The following SPEF2 variants were observed in gnomAD, a reference collection of about 807,000 sequenced individuals.
SPEF2 encodes sperm flagella and cilia-associated protein 2.
A neutral mutation model predicts 224.6 loss-of-function variants in SPEF2; 187 were observed. The observed-to-expected ratio is 0.83, with a 90% confidence interval of 0.74 to 0.94. The LOEUF is 0.94. Among genes scored for constraint, SPEF2 ranks in the 40% least tolerant of loss-of-function variants. The pLI is 0.00. For synonymous variants in SPEF2, 715 were observed against 707.3 expected, an observed-to-expected ratio of 1.01 and a Z score of -0.17; for missense variants, 2,170 against 2,135.6, an observed-to-expected ratio of 1.02 and a Z score of -0.32.
intron 34 of SPEF2, among the ~76,000 whole-genome samples, chr5:35,803,665 C>A (rs1179161283): frequency 2.0e-5 from 3 of 152,302 alleles, no homozygotes; most frequent in East Asian, 3.9e-4. Context: ...CATTTCTGTG[C>A]CATTTCCACT....
At chr5:35,647,617 A>G (rs1222379702) in intron 5 of SPEF2, among the ~76,000 whole-genome samples, 3 of 152,132 alleles carry the variant, frequency 2.0e-5, no homozygotes, top group Admixed American at 6.6e-5. Context: ...ACTGGGATCA[A>G]ATTTCACATG....
At chr5:35,640,373 A>G (rs1337568008) in intron 2 of SPEF2, among the ~76,000 whole-genome samples, 1 of 152,182 alleles carries the variant, frequency 6.6e-6, no homozygotes, top group Non-Finnish European at 1.5e-5. Context: ...GCATGAAAGG[A>G]CGACTGTGAT....
rs1413846297 is a variant in SPEF2 at position 35,759,690 on chromosome 5, T to C, written c.3591T>C (p.Asp1197=). 3 of 1,599,104 alleles carry C rather than the reference T, an allele frequency of 1.9e-6. No individual in the cohort carries two copies. The highest frequency in any genetic ancestry group is 2.7e-5 in the African/African-American group (2 of 74,868). ...RFTRIPLVQL[D]SKDNSESQLR... is the part of the protein sequence containing the mutation. ...CTCGAATCCCTTTGGTCCAACTGGA[T>C]AGTAAAGACAATTCTGAAAGCCAGC... Residue 1197 remains aspartate, a synonymous_variant, in exon 25 of 37, where the codon GAT becomes GAC. Coordinates refer to ENST00000356031, the MANE Select transcript of SPEF2 (RefSeq NM_024867.4).
chr5:35,807,788 C>T, intron 36 of SPEF2: 4 of 1,535,510 alleles, frequency 2.6e-6, no homozygotes, highest in African/African-American at 2.7e-5. Flanking sequence ...AACTGCAACT[C>T]AGAAATCACA....
chr5:35,739,182 A>G (rs1365911742), intron 21 of SPEF2, among the ~76,000 whole-genome samples: 1 of 152,170 alleles, frequency 6.6e-6, no homozygotes, highest in Non-Finnish European at 1.5e-5. Flanking sequence ...CTTTTTGAAG[A>G]GTCTTCTTAT....
At chr5:35,706,108 A>C (rs977214835) in intron 18 of SPEF2, among the ~76,000 whole-genome samples, 2 of 151,798 alleles carry the variant, frequency 1.3e-5, no homozygotes, top group African/African-American at 4.8e-5. Context: ...TTCACATTTT[A>C]TTCTCTGGAT....
At chr5:35,704,286 A>T (rs1174653943) in intron 16 of SPEF2, among the ~76,000 whole-genome samples, 4 of 151,942 alleles carry the variant, frequency 2.6e-5, no homozygotes, top group Admixed American at 2.6e-4. Context: ...ATCATTTTTC[A>T]TTCTCATCTA....
intron 10 of SPEF2, 56 bp downstream of exon 10, chr5:35,670,283 C>T (rs377210637): frequency 1.3e-5 from 19 of 1,516,238 alleles, no homozygotes; most frequent in Admixed American, 2.4e-5. Flanking sequence ...TTTTCTTTAA[C>T]ATTAATTTTG....
chr5:35,738,133 G>A (rs10036879), intron 21 of SPEF2, among the ~76,000 whole-genome samples: 2,750 of 152,074 alleles, frequency 0.018, 102 homozygotes, highest in African/African-American at 0.064. Flanking sequence ...CAGATGAGTC[G>A]ATTGCAAAAA....
At chr5:35,714,680 T>TTATTTTTATTTA (rs373603694) in intron 20 of SPEF2, among the ~76,000 whole-genome samples, 1 of 134,524 alleles carries the variant, frequency 7.4e-6, no homozygotes, top group African/African-American at 2.8e-5. Flanking sequence ...TTGGGTTTAT[T>TTATTTTTATTTA]TTTATTTATT....
chr5:35,806,990 C>A, intron 35 of SPEF2, 38 bp downstream of exon 35: 1 of 1,575,170 alleles, frequency 6.3e-7, no homozygotes, highest in Non-Finnish European at 8.6e-7. Flanking sequence ...GGCCTCAATT[C>A]TGAGCATATT....
chr5:35,709,871 T>C, intron 19 of SPEF2: 6 of 985,408 alleles, frequency 6.1e-6, no homozygotes, highest in Non-Finnish European at 7.2e-6. Context: ...TAGTTTCAGC[T>C]TTATAAATGG....
chr5:35,712,066 G>A (rs1741259957), intron 19 of SPEF2, among the ~76,000 whole-genome samples: 1 of 151,684 alleles, frequency 6.6e-6, no homozygotes, highest in Non-Finnish European at 1.5e-5. Flanking sequence ...TATATCCCAG[G>A]GAATTTAAGA....
intron 2 of SPEF2, among the ~76,000 whole-genome samples, chr5:35,632,478 T>C (rs1342587352): frequency 6.6e-6 from 1 of 152,144 alleles, no homozygotes; most frequent in Non-Finnish European, 1.5e-5. Flanking sequence ...TCCCACCAGG[T>C]ATCTCCCTAG....
intron 30 of SPEF2, chr5:35,788,281 C>T (rs1385594622): frequency 7.1e-6 from 5 of 702,818 alleles, no homozygotes; most frequent in South Asian, 1.5e-5. Context: ...TTGCCAAGAC[C>T]GGACGTCCCC....
chr5:35,787,740 G>A (rs1403719840), intron 30 of SPEF2: 1 of 511,138 alleles, frequency 2.0e-6, no homozygotes, highest in Non-Finnish European at 3.4e-6. Context: ...CAGAATGCCT[G>A]GTAATTAATA....
At chr5:35,718,709 C>G (rs1045682833) in intron 20 of SPEF2, among the ~76,000 whole-genome samples, 1 of 152,156 alleles carries the variant, frequency 6.6e-6, no homozygotes, top group Non-Finnish European at 1.5e-5. Context: ...ATGTCATGGA[C>G]ACTAACGTGA....
chr5:35,753,652 GTGA>G lies in SPEF2; in HGVS notation c.3362_3364del (p.Asp1121del). 6.2e-7 allele frequency: 1 copy of G among 1,614,150 alleles called. No individual in the cohort carries two copies. Among genetic ancestry groups the G allele is most frequent in the Non-Finnish European group, 8.5e-7 (1 of 1,180,018 alleles). ...CTGCGAGACCGCCTGTGGGACATTTGTGATGCCCGGAAGGAAGAGGCGGAGCAG... is the reference window on the plus strand; with the variant it reads ...CTGCGAGACCGCCTGTGGGACATTTGTGCCCGGAAGGAAGAGGCGGAGCAG... On this transcript the variant is annotated inframe_deletion, in exon 24 of 37. Transcript: ENST00000356031.
chr5:35,726,845 A>G (rs1281069862), intron 20 of SPEF2, among the ~76,000 whole-genome samples: 1 of 152,160 alleles, frequency 6.6e-6, no homozygotes, highest in Non-Finnish European at 1.5e-5. Flanking sequence ...GTTAAGGACC[A>G]AGGTTGTTCA....
Sources: allele counts gnomAD v4.1 joint callset (sites outside exome capture counted in the v4.1 genomes callset), GRCh38; gene constraint gnomAD v4.1.1; transcripts MANE v1.5; gene names NCBI Gene and HGNC (gene_info 2026-07-23, HGNC 2026-07-21).